CD207: variants seen among roughly 807,000 people sequenced by gnomAD.
CD207 encodes the protein CD207 molecule.
A neutral mutation model predicts 31.6 loss-of-function variants in CD207; 28 were observed. That is an observed-to-expected ratio of 0.89 (90% CI 0.66 to 1.21). CD207 has a LOEUF of 1.21. Ranked by LOEUF, CD207 falls within the 50% of genes most tolerant of loss-of-function variation. The pLI is 0.00. For synonymous variants in CD207, 168 were observed against 153.9 expected, an observed-to-expected ratio of 1.09 and a Z score of -0.68; for missense variants, 388 against 397.8, an observed-to-expected ratio of 0.98 and a Z score of 0.21.
At chr2:70,828,199 C>G (rs116808138), downstream of CD207, among the ~76,000 whole-genome samples, 3,040 of 152,274 alleles carry the variant, frequency 0.02, 100 homozygotes, top group African/African-American at 0.067. Flanking sequence ...CTGCTAGAGA[C>G]AGGACTAGAG....
At chr2:70,826,531 A>G (rs1464919636), downstream of CD207, among the ~76,000 whole-genome samples, 1 of 151,946 alleles carries the variant, frequency 6.6e-6, no homozygotes, top group Non-Finnish European at 1.5e-5. Flanking sequence ...CCGCACTACC[A>G]CACCCAGCTA....
chr2:70,835,395 G>C (rs72836221), intron 2 of CD207, 96 bp downstream of exon 2: 10,201 of 829,696 alleles, frequency 0.012, 100 homozygotes, highest in South Asian at 0.026. Flanking sequence ...CCACAGGCAG[G>C]AGAAACCCGG....
At position 70,830,976 on chromosome 2, in the gene CD207, TG is replaced by T. The variant is rs1558626991; in HGVS notation, c.*73del. ...TAACGTGCAAAGTCATCCTGGAGTCTGGGGAAGAAAGAGGCATTTCCTCATG... is the reference window on the plus strand; with the variant it reads ...TAACGTGCAAAGTCATCCTGGAGTCTGGGAAGAAAGAGGCATTTCCTCATG... On this transcript the variant is annotated 3_prime_UTR_variant, in exon 6 of 6. Coordinates refer to ENST00000410009, the MANE Select transcript of CD207 (RefSeq NM_015717.5). 1 of 1,398,708 alleles carries T rather than the reference TG, an allele frequency of 7.1e-7. No homozygotes were observed. Among genetic ancestry groups the T allele is most frequent in the Non-Finnish European group, 9.8e-7 (1 of 1,018,446 alleles). 86.6% of individuals were successfully genotyped at this position (1,398,708 alleles called of 1,614,324 possible).
rs147182001 is a variant in CD207 at position 70,832,824 on chromosome 2, C to T, written c.717+76G>A. ...CAATATTTGGGGATTTTTGTTCACG[C>T]AGTATAATCTTGCCCATCCTCCCTG... On this transcript the variant is annotated intron_variant, in intron 4 of 5. Coordinates refer to ENST00000410009, the MANE Select transcript of CD207 (RefSeq NM_015717.5). 3.7e-6 allele frequency: 5 copies of T among 1,367,328 alleles called. No homozygotes were observed. The East Asian group carries it at 9.3e-5, about 25-fold the overall frequency. 84.7% of individuals were successfully genotyped at this position (1,367,328 alleles called of 1,614,324 possible). A position where few individuals can be genotyped will look rare whatever the true frequency, so the allele number is the denominator to read the frequency against.
Position 70,833,006 on chromosome 2 carries a change from C to T in CD207, c.611G>A (p.Gly204Glu), listed in dbSNP as rs1677517014. 17 of 1,613,842 alleles carry T rather than the reference C, an allele frequency of 1.1e-5. No homozygotes were observed. The highest frequency in any genetic ancestry group is 1.4e-5 in the Non-Finnish European group (17 of 1,179,766). ...VVSQGWKYFK[G>E]NFYYFSLIPK... ...AATGAGAGAAAAGTAATAGAAGTTC[C>T]CCTTGAAGTACTTCCAGCCTTGAGA... is the stretch of plus-strand genomic sequence containing the variant. The change falls in exon 4 of 6, where the codon GGG (glycine) becomes GAG (glutamate). Residue 204 changes from glycine to glutamate, a missense_variant. Physicochemically the swap from Gly to Glu is moderately conservative, Grantham distance 98. Coordinates refer to ENST00000410009, the MANE Select transcript of CD207 (RefSeq NM_015717.5).
downstream of CD207, among the ~76,000 whole-genome samples, chr2:70,828,962 G>A (rs1285572636): frequency 1.3e-5 from 2 of 152,170 alleles, no homozygotes; most frequent in Non-Finnish European, 2.9e-5. Flanking sequence ...ACCATGCCAG[G>A]CCTGTATTCA....
Position 70,833,171 on chromosome 2 carries a change from C to T in CD207, c.566-120G>A, listed in dbSNP as rs958919816. 9 of 859,692 alleles carry T rather than the reference C, an allele frequency of 1.0e-5. No homozygotes were observed. The African/African-American group carries it at 1.2e-4, about 11-fold the overall frequency. 53.3% of individuals were successfully genotyped at this position (859,692 alleles called of 1,614,324 possible). A position where few individuals can be genotyped will look rare whatever the true frequency, so the allele number is the denominator to read the frequency against. On this transcript the variant is annotated intron_variant, in intron 3 of 5. Coordinates refer to ENST00000410009, the MANE Select transcript of CD207 (RefSeq NM_015717.5). ...GCAAATGGAGCTGTGCGCTGGTGTC[C>T]TTGGGTCCTTGTATAGGAGATTAGG...
Position 70,833,004 on chromosome 2 carries a change from T to C in CD207, c.613A>G (p.Asn205Asp). The part of the protein sequence containing the change: ...VSQGWKYFKG[N>D]FYYFSLIPKT... Reference sequence around the variant, plus strand: ...GGAATGAGAGAAAAGTAATAGAAGTTCCCCTTGAAGTACTTCCAGCCTTGA... The same window carrying C: ...GGAATGAGAGAAAAGTAATAGAAGTCCCCCTTGAAGTACTTCCAGCCTTGA... The change falls in exon 4 of 6, where the codon AAC becomes GAC. Residue 205 changes from asparagine (N) to aspartate (D), a missense_variant. Transcript: ENST00000410009. 6.2e-7 allele frequency: 1 copy of C among 1,613,816 alleles called. No individual in the cohort carries two copies. The highest frequency in any genetic ancestry group is 8.5e-7 in the Non-Finnish European group (1 of 1,179,788).
chr2:70,831,705 C>A lies in CD207; in HGVS notation c.832G>T (p.Val278Leu), dbSNP rs782550563. 6.2e-6 allele frequency: 10 copies of A among 1,604,906 alleles called. No individual in the cohort carries two copies. Among genetic ancestry groups the A allele is most frequent in the Non-Finnish European group, 8.5e-6 (10 of 1,171,842 alleles). ...CGGAGGGCTCCAGGGGCTTACCTCA[C>A]ACTTTGGACCTTGTTGAATGGCGTG... ...DDTPFNKVQS[V>L]RFWIPGEPNN... The change falls in exon 5 of 6, where the codon GTG becomes TTG. Residue 278 changes from valine (V) to leucine (L), a missense_variant. Coordinates refer to ENST00000410009, the MANE Select transcript of CD207 (RefSeq NM_015717.5).
intron 2 of CD207, 55 bp from the exon 3 acceptor site, chr2:70,834,075 G>A: frequency 7.0e-7 from 1 of 1,437,700 alleles, no homozygotes; most frequent in Non-Finnish European, 9.2e-7. Flanking sequence ...GACAGGAGTG[G>A]GGGTGTTGTC....
chr2:70,833,731 A>G lies in CD207; in HGVS notation c.480T>C (p.Asp160=), dbSNP rs782163289. The G allele has an allele frequency of 6.2e-7, 1 of 1,613,944 alleles. No individual in the cohort carries two copies. Among genetic ancestry groups the G allele is most frequent in the Non-Finnish European group, 8.5e-7 (1 of 1,179,888 alleles). Residue 160 remains aspartate, a synonymous_variant, in exon 3 of 6, where the codon GAT becomes GAC. Transcript: ENST00000410009. ...TATTTAAAGCACTGGCTTTCTCCAA[A>G]TCACTTTTTAACTCTGGGATTTGGG... ...LNAQIPELKS[D]LEKASALNTK...
chr2:70,830,844 T>A lies in CD207; in HGVS notation c.*206A>T. On this transcript the variant is annotated 3_prime_UTR_variant, in exon 6 of 6. Coordinates refer to ENST00000410009, the MANE Select transcript of CD207 (RefSeq NM_015717.5). The stretch of plus-strand genomic sequence containing the variant: ...TCTACCCACCCCTCCCACTTTAACC[T>A]GAATTCTCCTTTCCATTCCAGCTGC... The A allele has an allele frequency of 2.3e-5, 11 of 471,068 alleles. No homozygotes were observed. Among genetic ancestry groups the A allele is most frequent in the East Asian group, 3.6e-5 (1 of 27,458 alleles). 29.2% of individuals were successfully genotyped at this position (471,068 alleles called of 1,614,324 possible). A position where few individuals can be genotyped will look rare whatever the true frequency, so the allele number is the denominator to read the frequency against.
chr2:70,826,473 C>G (rs1035433579), downstream of CD207, among the ~76,000 whole-genome samples: 1 of 152,128 alleles, frequency 6.6e-6, no homozygotes, highest in Non-Finnish European at 1.5e-5. Context: ...ATCTCTTGAG[C>G]CCAAGCAATC....
intron 5 of CD207, 93 bp from the exon 6 acceptor site, chr2:70,831,293 T>G: frequency 1.5e-6 from 2 of 1,300,092 alleles, no homozygotes; most frequent in Non-Finnish European, 2.1e-6. Context: ...AACCCAAGCT[T>G]TTGTCCTAGG....
chr2:70,832,075 G>A (rs1677489553), intron 4 of CD207, among the ~76,000 whole-genome samples: 1 of 152,218 alleles, frequency 6.6e-6, no homozygotes, highest in African/African-American at 2.4e-5. Flanking sequence ...TGAAGCACAG[G>A]AAGGCCTCAG....
Position 70,833,911 on chromosome 2 carries a change from G to C in CD207, c.300C>G (p.Asp100Glu). Residue 100 changes from aspartate to glutamate, a missense_variant, in exon 3 of 6, where the codon GAC (aspartate) becomes GAG (glutamate). Transcript: ENST00000410009. ...TLDSEIKKNS[D>E]GMEAAGVQIQ... ...TCTGAACGCCAGCTGCCTCCATGCCGTCACTATTCTTTTTAATTTCAGAAT... is the reference window on the plus strand; with the variant it reads ...TCTGAACGCCAGCTGCCTCCATGCCCTCACTATTCTTTTTAATTTCAGAAT... 6.3e-7 allele frequency: 1 copy of C among 1,597,768 alleles called. No individual in the cohort carries two copies. Among genetic ancestry groups the C allele is most frequent in the Non-Finnish European group, 8.5e-7 (1 of 1,170,962 alleles).
chr2:70,831,303 G>A, intron 5 of CD207, 103 bp from the exon 6 acceptor site: 1 of 1,175,776 alleles, frequency 8.5e-7, no homozygotes, highest in Non-Finnish European at 1.2e-6. Context: ...TTTGTCCTAG[G>A]GAATGGCATA....
the CD207 span, among the ~76,000 whole-genome samples, chr2:70,825,044 C>A: frequency 6.6e-6 from 1 of 152,108 alleles, no homozygotes; most frequent in Admixed American, 6.5e-5. Flanking sequence ...AGGTCAACGC[C>A]AACAGTAATG....
At chr2:70,827,761 C>T (rs192436960), downstream of CD207, among the ~76,000 whole-genome samples, 22 of 150,032 alleles carry the variant, frequency 1.5e-4, no homozygotes, top group East Asian at 1.6e-3. Context: ...AAAGAGAAAG[C>T]GAGAGAGAAT....
Sources: allele counts gnomAD v4.1 joint callset (sites outside exome capture counted in the v4.1 genomes callset), GRCh38; gene constraint gnomAD v4.1.1; transcripts MANE v1.5; gene names NCBI Gene and HGNC (gene_info 2026-07-23, HGNC 2026-07-21).